SLC12A3: variants seen among roughly 807,000 people sequenced by gnomAD.
SLC12A3 encodes Na-Cl cotransporter.
A neutral mutation model predicts 121.0 loss-of-function variants in SLC12A3; 104 were observed. The ratio of observed to expected loss-of-function variants is 0.86; its 90% confidence interval spans 0.73 to 1.01. The LOEUF is 1.01. SLC12A3 is among the 50% of genes least tolerant of loss of function. The probability of loss-of-function intolerance (pLI) is 0.00; values close to 1 mark genes in which losing one functional copy is unlikely to be tolerated. For missense variants in SLC12A3, 1,328 were observed against 1,356.3 expected, an observed-to-expected ratio of 0.98 and a Z score of 0.33; for synonymous variants, 536 against 533.4, an observed-to-expected ratio of 1.00 and a Z score of -0.07.
At chr16:56,881,429 C>T (rs1018292171) in intron 12 of SLC12A3, among the ~76,000 whole-genome samples, 24 of 149,434 alleles carry the variant, frequency 1.6e-4, no homozygotes, top group South Asian at 2.1e-4. Context: ...GATGCAGATT[C>T]GATGTCCTTT....
chr16:56,882,195 C>T (rs1239751475), intron 12 of SLC12A3, among the ~76,000 whole-genome samples: 1 of 152,174 alleles, frequency 6.6e-6, no homozygotes, highest in Non-Finnish European at 1.5e-5. Context: ...TTACAGTTTA[C>T]AAGACACCAT....
chr16:56,888,090 A>G (rs1465977422), intron 18 of SLC12A3, 59 bp downstream of exon 18: 3 of 1,305,684 alleles, frequency 2.3e-6, no homozygotes, highest in Non-Finnish European at 3.3e-6. Flanking sequence ...TTGGGCCTTG[A>G]GAAGTGGAAA....
intron 9 of SLC12A3, among the ~76,000 whole-genome samples, chr16:56,878,442 T>A (rs544605506): frequency 2.6e-5 from 4 of 151,686 alleles, no homozygotes; most frequent in African/African-American, 9.7e-5. Flanking sequence ...AGTGTGAAGA[T>A]CCTACAGGAC....
chr16:56,904,907 G>A, intron 25 of SLC12A3: 1 of 306,216 alleles, frequency 3.3e-6, no homozygotes, highest in Non-Finnish European at 6.4e-6. Context: ...AGCCCTGGCT[G>A]TTCCTACTGG....
intron 18 of SLC12A3, among the ~76,000 whole-genome samples, chr16:56,888,854 G>A (rs1210302416): frequency 7.9e-5 from 12 of 152,106 alleles, no homozygotes; most frequent in African/African-American, 1.9e-4. Context: ...CACCGTGCCC[G>A]GCCACCAGAT....
intron 24 of SLC12A3, among the ~76,000 whole-genome samples, chr16:56,903,770 T>TC (rs1247296452): frequency 6.6e-6 from 1 of 151,826 alleles, no homozygotes; most frequent in African/African-American, 2.4e-5. Flanking sequence ...CACGCAAGTT[T>TC]GGGGACTTCC....
intron 25 of SLC12A3, among the ~76,000 whole-genome samples, chr16:56,910,480 G>A (rs2055671047): frequency 6.6e-6 from 1 of 152,064 alleles, no homozygotes; most frequent in African/African-American, 2.4e-5. Context: ...GGGACTACAG[G>A]CACATACCAC....
chr16:56,907,599 G>A (rs1287978363), intron 25 of SLC12A3, among the ~76,000 whole-genome samples: 1 of 152,230 alleles, frequency 6.6e-6, no homozygotes, highest in South Asian at 2.1e-4. Context: ...TAGAGGCTGG[G>A]AAGTCCTAGA....
chr16:56,906,531 A>G (rs2055610216), intron 25 of SLC12A3: 1 of 214,612 alleles, frequency 4.7e-6, no homozygotes, highest in South Asian at 8.2e-5. Context: ...ATTGACTGCC[A>G]TCCTGAATGA....
At chr16:56,890,190 C>G (rs1262900837) in intron 18 of SLC12A3, 84 bp from the exon 19 acceptor site, 1 of 1,000,854 alleles carries the variant, frequency 1.0e-6, no homozygotes, top group East Asian at 2.4e-5. Flanking sequence ...AGAGCCAACT[C>G]TAGATATCTG....
Position 56,888,043 on chromosome 16 carries a change from GA to G in SLC12A3, c.2285+13del, listed in dbSNP as rs1555501060. On this transcript the variant is annotated intron_variant, in intron 18 of 25. Transcript: ENST00000563236. ...ATTGGCATCCTCCAGTGAGTCGGGGGAGAGGAAGGGGCTTGGGGTCTGTTAA... is the reference window on the plus strand; with the variant it reads ...ATTGGCATCCTCCAGTGAGTCGGGGGGAGGAAGGGGCTTGGGGTCTGTTAA... 9 of 1,587,312 alleles carry G rather than the reference GA, an allele frequency of 5.7e-6. No homozygotes were observed. The highest frequency in any genetic ancestry group is 6.0e-6 in the Non-Finnish European group (7 of 1,157,118).
Position 56,883,902 on chromosome 16 carries a change from G to A in SLC12A3, c.1670-147G>A, listed in dbSNP as rs2055274758. ...CCTGTAGACCCAGCCCAGGAGGCAG[G>A]GTGGGTGGTGCTCATGGCTGGTGGG... On this transcript the variant is annotated intron_variant, in intron 13 of 25. Coordinates refer to ENST00000563236, the MANE Select transcript of SLC12A3 (RefSeq NM_001126108.2). 19 of 775,964 alleles carry A rather than the reference G, an allele frequency of 2.4e-5. No homozygotes were observed. In the South Asian group the frequency reaches 2.6e-4, roughly 11 times the overall value. The allele number at this position is 775,964 out of a possible 1,614,324, so 48.1% of individuals were successfully genotyped here.
chr16:56,899,767 G>A lies in SLC12A3; in HGVS notation c.2720+151G>A, dbSNP rs138583279. On this transcript the variant is annotated intron_variant, in intron 23 of 25. Coordinates refer to ENST00000563236, the MANE Select transcript of SLC12A3 (RefSeq NM_001126108.2). ...TGTGTCAGAGGGCACAACTTCTGCA[G>A]TGGCTGTGGCCGGGGCCTGTCCCCT... The A allele has an allele frequency of 2.2e-3, 1,543 of 695,702 alleles. 24 individuals carry two copies. The African/African-American group carries it at 0.024, about 11-fold the overall frequency. The allele number at this position is 695,702 out of a possible 1,614,324, so 43.1% of individuals were successfully genotyped here. A position where few individuals can be genotyped will look rare whatever the true frequency, so the allele number is the denominator to read the frequency against.
chr16:56,893,037 G>T lies in SLC12A3; in HGVS notation c.2504G>T (p.Trp835Leu), dbSNP rs780844229. 1 of 1,614,112 alleles carries T rather than the reference G, an allele frequency of 6.2e-7. No homozygotes were observed. The highest frequency in any genetic ancestry group is 1.1e-5 in the South Asian group (1 of 91,076). ...GGCAAGAAGACCATAGACATCTACTGGCTCTTTGACGATGGAGGTCAGTGA... is the reference window on the plus strand; with the variant it reads ...GGCAAGAAGACCATAGACATCTACTTGCTCTTTGACGATGGAGGTCAGTGA... ...EQGKKTIDIY[W>L]LFDDGGLTLL... is the part of the protein sequence containing the mutation. The change falls in exon 21 of 26, where the codon TGG (tryptophan) becomes TTG (leucine). Residue 835 changes from tryptophan (W) to leucine (L), a missense_variant. Transcript: ENST00000563236.
intron 19 of SLC12A3, 43 bp downstream of exon 19, chr16:56,890,399 A>AT (rs1161343675): frequency 1.9e-6 from 3 of 1,559,286 alleles, no homozygotes; most frequent in Non-Finnish European, 2.7e-6. Context: ...TCTAGAACAC[A>AT]TTTTTTGTTT....
chr16:56,869,392 G>A (rs901360029), intron 3 of SLC12A3, among the ~76,000 whole-genome samples: 2 of 151,984 alleles, frequency 1.3e-5, no homozygotes, highest in Non-Finnish European at 2.9e-5. Flanking sequence ...CAGTCGCGTG[G>A]TCTCGGCTCA....
intron 3 of SLC12A3, 127 bp from the exon 4 acceptor site, chr16:56,869,602 A>AT (rs2144688078): frequency 1.2e-6 from 1 of 800,604 alleles, no homozygotes; most frequent in African/African-American, 1.7e-5. Context: ...ACAGAGACCC[A>AT]TTTTTCAGAT....
chr16:56,868,472 T>C, intron 3 of SLC12A3, 100 bp downstream of exon 3: 1 of 1,250,152 alleles, frequency 8.0e-7, no homozygotes, highest in Non-Finnish European at 1.1e-6. Context: ...GGTTGCAGGA[T>C]TAAACTTGAG....
rs1277052976 is a variant in SLC12A3, at chr16:56,887,083, TC to T, written c.2170del (p.Leu724SerfsTer10). On this transcript the variant is annotated frameshift_variant, in exon 17 of 26. Transcript: ENST00000563236. LOFTEE classifies it high-confidence loss of function. ...IAEDLRRGVQ[I>X]LMQAAGLGRM... ...GAGGACCTCCGCAGAGGCGTCCAGA[TC>T]CTCATGCAGGTGCCATGGACTGGGG... The T allele has an allele frequency of 6.2e-7, 1 of 1,613,806 alleles. No individual in the cohort carries two copies. The highest frequency in any genetic ancestry group is 8.5e-7 in the Non-Finnish European group (1 of 1,180,026).
Sources: allele counts gnomAD v4.1 joint callset (sites outside exome capture counted in the v4.1 genomes callset), GRCh38; gene constraint gnomAD v4.1.1; transcripts MANE v1.5; gene names NCBI Gene and HGNC (gene_info 2026-07-23, HGNC 2026-07-21).